Variants in PTPRG observed in about 807,000 individuals in gnomAD.
PTPRG encodes the protein receptor-type tyrosine-protein phosphatase gamma.
PTPRG carries 102 observed loss-of-function variants against 165.3 expected under a neutral mutation model. The ratio of observed to expected loss-of-function variants is 0.62; its 90% confidence interval spans 0.53 to 0.73. The LOEUF (loss-of-function observed/expected upper bound fraction) is 0.73. PTPRG is among the 30% of genes least tolerant of loss of function. The pLI is 0.00. For synonymous variants in PTPRG, 675 were observed against 669.5 expected, an observed-to-expected ratio of 1.01 and a Z score of -0.13; for missense variants, 1,866 against 1,861.4, an observed-to-expected ratio of 1.00 and a Z score of -0.05.
intron 1 of PTPRG, among the ~76,000 whole-genome samples, chr3:61,725,477 T>C (rs898093578): frequency 6.6e-6 from 1 of 152,178 alleles, no homozygotes; most frequent in African/African-American, 2.4e-5. Flanking sequence ...CCTTCCTCCA[T>C]TGAACTGCCT....
At chr3:62,066,893 C>G (rs945049837) in intron 4 of PTPRG, among the ~76,000 whole-genome samples, 4 of 152,060 alleles carry the variant, frequency 2.6e-5, no homozygotes, top group Non-Finnish European at 5.9e-5. Flanking sequence ...CAATAATTAG[C>G]TGGATGTGGT....
chr3:61,909,675 GGCAT>G, intron 2 of PTPRG, among the ~76,000 whole-genome samples: 1 of 152,070 alleles, frequency 6.6e-6, no homozygotes, highest in African/African-American at 2.4e-5. Context: ...TATGAGCCAT[GGCAT>G]CTGACCTCAA....
At chr3:62,110,089 C>CTTTTTTTT (rs371457716) in intron 5 of PTPRG, among the ~76,000 whole-genome samples, 119 of 79,966 alleles carry the variant, frequency 1.5e-3, no homozygotes, top group Non-Finnish European at 1.7e-3. Context: ...GAAATAATGG[C>CTTTTTTTT]TTTTTTTTTT....
At chr3:62,180,960 C>G (rs1054417356) in intron 8 of PTPRG, among the ~76,000 whole-genome samples, 3 of 148,398 alleles carry the variant, frequency 2.0e-5, no homozygotes, top group African/African-American at 7.7e-5. Context: ...ACAGCAGAGA[C>G]AGCCAACAGG....
intron 28 of PTPRG, among the ~76,000 whole-genome samples, chr3:62,287,297 GA>G (rs1196915197): frequency 6.6e-6 from 1 of 151,972 alleles, no homozygotes; most frequent in African/African-American, 2.4e-5. Context: ...ATGCTAAAAT[GA>G]GGTCAACTCA....
At chr3:61,709,911 A>G (rs561011152) in intron 1 of PTPRG, among the ~76,000 whole-genome samples, 3 of 152,264 alleles carry the variant, frequency 2.0e-5, no homozygotes, top group Admixed American at 2.0e-4. Context: ...GCTGGGCCTT[A>G]TTCCCAAGGT....
intron 2 of PTPRG, among the ~76,000 whole-genome samples, chr3:61,832,870 G>C (rs573332577): frequency 5.3e-5 from 8 of 151,928 alleles, no homozygotes; most frequent in Non-Finnish European, 1.0e-4. Context: ...CCCTTTCCCC[G>C]CTGAGTCCCC....
At chr3:61,861,081 T>C (rs192112702) in intron 2 of PTPRG, among the ~76,000 whole-genome samples, 17 of 151,808 alleles carry the variant, frequency 1.1e-4, no homozygotes, top group Non-Finnish European at 2.1e-4. Context: ...GATTGGCTTT[T>C]TTAATTGTCT....
intron 1 of PTPRG, among the ~76,000 whole-genome samples, chr3:61,644,904 T>G (rs900248076): frequency 1.3e-5 from 2 of 152,224 alleles, no homozygotes; most frequent in African/African-American, 4.8e-5. Context: ...AAAGAAGGTG[T>G]TGCTTTATGG....
At chr3:61,843,496 C>T (rs953116908) in intron 2 of PTPRG, among the ~76,000 whole-genome samples, 4 of 151,852 alleles carry the variant, frequency 2.6e-5, no homozygotes, top group Non-Finnish European at 5.9e-5. Flanking sequence ...TCAAGGTGGG[C>T]AAAATGAAAC....
At chr3:62,167,893 C>T in intron 7 of PTPRG, 78 bp from the exon 8 acceptor site, 1 of 1,429,810 alleles carries the variant, frequency 7.0e-7, no homozygotes, top group South Asian at 1.2e-5. Flanking sequence ...CTGCTTTGGA[C>T]CAAATAGCTT....
intron 2 of PTPRG, among the ~76,000 whole-genome samples, chr3:61,916,621 T>C (rs1424641100): frequency 1.3e-5 from 2 of 152,208 alleles, no homozygotes; most frequent in Admixed American, 1.3e-4. Flanking sequence ...AAATCTGTTA[T>C]TGTTATTATT....
chr3:61,836,533 A>G (rs1575706599), intron 2 of PTPRG, among the ~76,000 whole-genome samples: 1 of 152,292 alleles, frequency 6.6e-6, no homozygotes, highest in South Asian at 2.1e-4. Context: ...TGCTCTTACT[A>G]CCTTCCGGGT....
intron 1 of PTPRG, among the ~76,000 whole-genome samples, chr3:61,584,076 C>T (rs1700374419): frequency 6.6e-6 from 1 of 152,098 alleles, no homozygotes. Flanking sequence ...AGCTTTTTAT[C>T]TTCGGGAATC....
At chr3:62,152,205 A>ATT (rs79099891) in intron 6 of PTPRG, among the ~76,000 whole-genome samples, 2,681 of 144,682 alleles carry the variant, frequency 0.019, 83 homozygotes, top group African/African-American at 0.063. Context: ...ATGTCTACTA[A>ATT]TTTTTTTTTT....
At chr3:61,688,965 A>T (rs1051214921) in intron 1 of PTPRG, among the ~76,000 whole-genome samples, 3 of 152,202 alleles carry the variant, frequency 2.0e-5, no homozygotes, top group African/African-American at 7.2e-5. Context: ...AACTTGACAG[A>T]GAGGGCAGAG....
At chr3:61,582,479 T>C (rs936019386) in intron 1 of PTPRG, among the ~76,000 whole-genome samples, 2 of 152,124 alleles carry the variant, frequency 1.3e-5, no homozygotes, top group Middle Eastern at 3.2e-3. Context: ...CAGCATGAGA[T>C]AGAACAATTT....
intron 1 of PTPRG, among the ~76,000 whole-genome samples, chr3:61,609,516 A>G (rs1025694463): frequency 2.0e-5 from 3 of 152,200 alleles, no homozygotes; most frequent in African/African-American, 7.2e-5. Context: ...AACAACTACA[A>G]GCACTCTACA....
chr3:62,216,303 C>T (rs1255263884), intron 12 of PTPRG, among the ~76,000 whole-genome samples: 1 of 151,780 alleles, frequency 6.6e-6, no homozygotes, highest in Non-Finnish European at 1.5e-5. Flanking sequence ...ACTATTTTGG[C>T]CAAGAGTTCC....
Sources: allele counts gnomAD v4.1 joint callset (sites outside exome capture counted in the v4.1 genomes callset), GRCh38; gene constraint gnomAD v4.1.1; transcripts MANE v1.5; gene names NCBI Gene and HGNC (gene_info 2026-07-23, HGNC 2026-07-21).